TOX2: variants seen among roughly 807,000 people sequenced by gnomAD.
The protein encoded by TOX2 is TOX high mobility group box family member 2, also known as granulosa cell HMG box 1.
Under a neutral mutation model 47.4 loss-of-function variants are expected in TOX2, and 15 were observed. The observed-to-expected ratio is 0.32, with a 90% CI of 0.21 to 0.49. The LOEUF (loss-of-function observed/expected upper bound fraction) is 0.49. Among genes scored for constraint, TOX2 ranks in the 20% least tolerant of loss-of-function variants. The pLI, the probability that TOX2 is intolerant of heterozygous loss-of-function variation, is 0.99. For missense variants in TOX2, 622 were observed against 673.1 expected, an observed-to-expected ratio of 0.92 and a Z score of 0.84; for synonymous variants, 290 against 296.6, an observed-to-expected ratio of 0.98 and a Z score of 0.23.
At position 44,011,334 on chromosome 20, in the gene TOX2, G is replaced by T. The variant is rs569756215; in HGVS notation, c.411+4542G>T. 4.6e-5 allele frequency among the ~76,000 whole-genome samples: 7 copies of T among 152,296 alleles called. No individual in the cohort carries two copies. In the South Asian group the frequency reaches 1.4e-3, roughly 32 times the overall value. ...GTACCAGGCATTGTTCTAGGCTTGT[G>T]ATCTACAAGATGCCCTTGAGGGACT... On this transcript the variant is annotated intron_variant, in intron 3 of 8. Transcript: ENST00000341197.
chr20:44,046,289 TA>T (rs1600778322), intron 3 of TOX2, among the ~76,000 whole-genome samples: 1 of 152,336 alleles, frequency 6.6e-6, no homozygotes, highest in East Asian at 1.9e-4. Flanking sequence ...CTGGGACATT[TA>T]CAGGATAAAT....
intron 1 of TOX2, among the ~76,000 whole-genome samples, chr20:43,960,847 G>A (rs1481879957): frequency 6.6e-6 from 1 of 152,224 alleles, no homozygotes; most frequent in East Asian, 1.9e-4. Context: ...ATGTGGCCTA[G>A]CTCCTGGGCA....
intron 3 of TOX2, among the ~76,000 whole-genome samples, chr20:44,048,617 T>C (rs1375932731): frequency 6.6e-6 from 1 of 151,318 alleles, no homozygotes; most frequent in Non-Finnish European, 1.5e-5. Flanking sequence ...AAGCTGATCA[T>C]AACAAAAACA....
chr20:43,921,434 C>G (rs2069111596), intron 1 of TOX2, among the ~76,000 whole-genome samples: 1 of 152,216 alleles, frequency 6.6e-6, no homozygotes, highest in African/African-American at 2.4e-5. Flanking sequence ...ATTTAACCTC[C>G]CTGGACTCAG....
At chr20:44,001,984 G>A (rs907496213) in intron 2 of TOX2, among the ~76,000 whole-genome samples, 1 of 152,188 alleles carries the variant, frequency 6.6e-6, no homozygotes, top group African/African-American at 2.4e-5. Flanking sequence ...ATTTATGAGT[G>A]TTCCTAACTC....
Position 44,039,268 on chromosome 20 carries a change from C to T in TOX2, c.412-12038C>T, listed in dbSNP as rs1358674450. On this transcript the variant is annotated intron_variant, in intron 3 of 8. Coordinates refer to ENST00000341197, the MANE Select transcript of TOX2 (RefSeq NM_001098797.2). Reference sequence around the variant, plus strand: ...GAGGATGACACAGAGGGCAGGTGTCCAGTCTAGAGAGAAGCCCACATGTCC... The same window carrying T: ...GAGGATGACACAGAGGGCAGGTGTCTAGTCTAGAGAGAAGCCCACATGTCC... The T allele has an allele frequency of 2.3e-6, 3 of 1,289,256 alleles. No homozygotes were observed. The East Asian group carries it at 1.7e-4, about 71-fold the overall frequency. 79.9% of individuals were successfully genotyped at this position (1,289,256 alleles called of 1,614,324 possible). A position where few individuals can be genotyped will look rare whatever the true frequency, so the allele number is the denominator to read the frequency against.
At position 43,922,053 on chromosome 20, in the gene TOX2, G is replaced by A. The variant is rs1037684832; in HGVS notation, c.99+7063G>A. On this transcript the variant is annotated intron_variant, in intron 1 of 8. Transcript: ENST00000341197. The stretch of plus-strand genomic sequence containing the variant: ...TCAAATCACAGCTGCCCAGTCCACT[G>A]GCTTGGGCAGGTGACCTCATGCACA... Among the ~76,000 whole-genome samples the A allele has an allele frequency of 2.6e-5, 4 of 152,192 alleles. 1 individual carries two copies. The highest frequency in any genetic ancestry group is 4.8e-5 in the African/African-American group (2 of 41,440).
chr20:43,947,356 T>A (rs2069491086), intron 1 of TOX2, among the ~76,000 whole-genome samples: 1 of 152,252 alleles, frequency 6.6e-6, no homozygotes, highest in Non-Finnish European at 1.5e-5. Flanking sequence ...TATGCACACA[T>A]GCACGTGTGC....
chr20:43,965,025 C>G (rs1420402467), intron 1 of TOX2, among the ~76,000 whole-genome samples: 1 of 152,188 alleles, frequency 6.6e-6, no homozygotes, highest in Non-Finnish European at 1.5e-5. Flanking sequence ...AAGAAGAAGG[C>G]ATCATTCAAT....
intron 4 of TOX2, among the ~76,000 whole-genome samples, chr20:44,051,826 T>C (rs2071518174): frequency 6.6e-6 from 1 of 152,220 alleles, no homozygotes; most frequent in Non-Finnish European, 1.5e-5. Flanking sequence ...ATGGCACCTA[T>C]GGGGCTTTGT....
chr20:44,039,615 G>C (rs1033976457), intron 3 of TOX2, among the ~76,000 whole-genome samples: 2 of 152,230 alleles, frequency 1.3e-5, no homozygotes, highest in African/African-American at 2.4e-5. Context: ...AGGGAAAAAG[G>C]CAAGTGAGAT....
At chr20:43,994,684 C>T (rs971227713) in intron 2 of TOX2, among the ~76,000 whole-genome samples, 3 of 152,110 alleles carry the variant, frequency 2.0e-5, no homozygotes, top group Non-Finnish European at 4.4e-5. Context: ...CAGAGCCTCC[C>T]CGTCCCTGCC....
Position 44,068,904 on chromosome 20 carries a change from C to A in TOX2, c.*218C>A. The A allele has an allele frequency of 1.4e-6, 1 of 710,028 alleles. No individual in the cohort carries two copies. The highest frequency in any genetic ancestry group is 2.6e-6 in the Non-Finnish European group (1 of 387,026). 44.0% of individuals were successfully genotyped at this position (710,028 alleles called of 1,614,324 possible). A position where few individuals can be genotyped will look rare whatever the true frequency, so the allele number is the denominator to read the frequency against. The stretch of plus-strand genomic sequence containing the variant: ...ACCAGCCCAAAGAACCTGCAGGAAC[C>A]TTCCGCCCGCTGACCTGCTTGCTCC... On this transcript the variant is annotated 3_prime_UTR_variant, in exon 9 of 9. Transcript: ENST00000341197.
intron 3 of TOX2, among the ~76,000 whole-genome samples, chr20:44,017,873 C>T (rs1024167151): frequency 6.6e-6 from 1 of 152,192 alleles, no homozygotes; most frequent in Non-Finnish European, 1.5e-5. Context: ...AGCCTGGGCT[C>T]TCCATATCTA....
Position 44,068,949 on chromosome 20 carries a change from T to TC in TOX2, c.*265dup, listed in dbSNP as rs1488767039. ...TGCTCCAGGGTAACTGTGGACCCTG[T>TC]CCTCGCCCTGCGCACGGTACCCTAT... On this transcript the variant is annotated 3_prime_UTR_variant, in exon 9 of 9. Transcript: ENST00000341197. 3.2e-6 allele frequency: 2 copies of TC among 632,910 alleles called. No individual in the cohort carries two copies. The highest frequency in any genetic ancestry group is 5.9e-6 in the Non-Finnish European group (2 of 336,442). 39.2% of individuals were successfully genotyped at this position (632,910 alleles called of 1,614,324 possible).
intron 3 of TOX2, among the ~76,000 whole-genome samples, chr20:44,031,157 C>T (rs559413763): frequency 1.3e-5 from 2 of 152,218 alleles, no homozygotes; most frequent in Admixed American, 6.5e-5. Context: ...CCAAGTGGTA[C>T]ACAAGGGCAG....
chr20:43,991,652 T>G (rs1468033830), intron 2 of TOX2, among the ~76,000 whole-genome samples: 1 of 134,318 alleles, frequency 7.4e-6, no homozygotes, highest in African/African-American at 3.0e-5. Context: ...ATTATTATTA[T>G]TATTATTTTG....
chr20:43,974,548 G>A (rs889290250), intron 2 of TOX2, among the ~76,000 whole-genome samples: 15 of 152,252 alleles, frequency 9.9e-5, no homozygotes, highest in African/African-American at 3.6e-4. Flanking sequence ...GGCAACCCCG[G>A]CCCTGGAGCT....
chr20:43,965,339 A>G (rs538976409), intron 1 of TOX2, among the ~76,000 whole-genome samples: 1 of 152,294 alleles, frequency 6.6e-6, no homozygotes, highest in East Asian at 1.9e-4. Flanking sequence ...GTCAAAGAAC[A>G]TCTTTTCCTT....
Sources: allele counts gnomAD v4.1 joint callset (sites outside exome capture counted in the v4.1 genomes callset), GRCh38; gene constraint gnomAD v4.1.1; transcripts MANE v1.5; gene names NCBI Gene and HGNC (gene_info 2026-07-23, HGNC 2026-07-21).